Variants in DOCK8 observed in about 807,000 individuals in gnomAD.
DOCK8 encodes the protein dedicator of cytokinesis protein 8.
Under a neutral mutation model 245.6 loss-of-function variants are expected in DOCK8, and 141 were observed. The observed-to-expected ratio is 0.57, with a 90% CI of 0.50 to 0.66. The LOEUF is 0.66. DOCK8 is among the 30% of genes least tolerant of loss of function. The probability of loss-of-function intolerance (pLI) is 0.00; values close to 1 mark genes in which losing one functional copy is unlikely to be tolerated. For synonymous variants in DOCK8, 1,168 were observed against 970.2 expected (o/e 1.20, Z -3.79); for missense variants, 2,965 against 2,603.4 (o/e 1.14, Z -3.02).
chr9:292,069 CAAA>C (rs139396600), intron 4 of DOCK8, among the ~76,000 whole-genome samples: 4 of 52,556 alleles, frequency 7.6e-5, no homozygotes, highest in Admixed American at 5.7e-4. Context: ...GACCCTATCT[CAAA>C]AAAAAAAAAA....
intron 11 of DOCK8, among the ~76,000 whole-genome samples, chr9:334,697 A>G (rs986953302): frequency 6.6e-6 from 1 of 152,148 alleles, no homozygotes; most frequent in East Asian, 1.9e-4. Context: ...AAGAAAATGT[A>G]GTAACCATCT....
rs763029509 is a variant in DOCK8 at position 420,564 on chromosome 9, T to C, written c.4004T>C (p.Val1335Ala). ...ATTTTAGATCTACTTTTCATCTGTG[T>C]GTTATGTTTTGAGTATAAGGTAAGT... ...NRILDLLFICVLCFEYKGKQS... is the reference protein window; with the variant it reads ...NRILDLLFICALCFEYKGKQS... The change falls in exon 31 of 48, where the codon GTG (valine) becomes GCG (alanine). Residue 1335 changes from valine to alanine, a missense_variant. Transcript: ENST00000432829. The C allele has an allele frequency of 4.1e-5, 66 of 1,614,060 alleles. No homozygotes were observed. Among genetic ancestry groups the C allele is most frequent in the Non-Finnish European group, 4.4e-5 (52 of 1,180,044 alleles).
At chr9:323,024 C>T (rs993654422) in intron 7 of DOCK8, among the ~76,000 whole-genome samples, 3 of 146,614 alleles carry the variant, frequency 2.0e-5, no homozygotes, top group African/African-American at 7.6e-5. Context: ...ACCTGGGTGG[C>T]GGAGGTTGCA....
At chr9:390,605 C>T in intron 24 of DOCK8, 39 bp downstream of exon 24, 1 of 1,571,594 alleles carries the variant, frequency 6.4e-7, no homozygotes, top group African/African-American at 1.4e-5. Context: ...CTCAATAGGC[C>T]AAGAGAAGCA....
At chr9:380,113 C>A (rs1298190233) in intron 21 of DOCK8, among the ~76,000 whole-genome samples, 178 bp downstream of exon 21, 36 of 121,868 alleles carry the variant, frequency 3.0e-4, no homozygotes, top group Non-Finnish European at 5.0e-4. Context: ...CATCTGCAAC[C>A]CCAGCACTCT....
At chr9:217,300 G>A (rs1470997635) in intron 1 of DOCK8, among the ~76,000 whole-genome samples, 1 of 152,170 alleles carries the variant, frequency 6.6e-6, no homozygotes, top group Non-Finnish European at 1.5e-5. Context: ...AGATAGAAAG[G>A]TAGGAAGGAA....
At chr9:323,195 G>T (rs189110468) in intron 7 of DOCK8, among the ~76,000 whole-genome samples, 3 of 143,592 alleles carry the variant, frequency 2.1e-5, no homozygotes, top group East Asian at 4.2e-4. Flanking sequence ...GTGGTAAAAT[G>T]TATGTAACAT....
At chr9:457,439 A>T (rs1239208393) in intron 46 of DOCK8, among the ~76,000 whole-genome samples, 2 of 152,250 alleles carry the variant, frequency 1.3e-5, no homozygotes, top group Non-Finnish European at 2.9e-5. Context: ...TAAGTGTAAC[A>T]TTGTTCAGTG....
chr9:407,744 T>C lies in DOCK8; in HGVS notation c.3530+675T>C, dbSNP rs75523471. On this transcript the variant is annotated intron_variant, in intron 28 of 47. Transcript: ENST00000432829. ...GAAAAAGATAATGCCTTCTAAAATA[T>C]TATTCATTCCGTTCAACAATTATTG... 5.7e-3 allele frequency among the ~76,000 whole-genome samples: 861 copies of C among 152,286 alleles called. 9 individuals are homozygous for C. The highest frequency in any genetic ancestry group is 0.02 in the African/African-American group (835 of 41,542).
intron 1 of DOCK8, among the ~76,000 whole-genome samples, chr9:264,879 A>G (rs1268642154): frequency 6.6e-6 from 1 of 152,222 alleles, no homozygotes; most frequent in African/African-American, 2.4e-5. Flanking sequence ...TGATAGCTGC[A>G]TCATTCAAAG....
intron 14 of DOCK8, among the ~76,000 whole-genome samples, chr9:343,377 G>T (rs1388315480): frequency 6.6e-6 from 1 of 151,860 alleles, no homozygotes; most frequent in African/African-American, 2.4e-5. Context: ...CATCCCTGTA[G>T]TTCTAGCTAC....
At chr9:318,743 C>T (rs927605699) in intron 7 of DOCK8, among the ~76,000 whole-genome samples, 2 of 152,176 alleles carry the variant, frequency 1.3e-5, no homozygotes, top group Non-Finnish European at 2.9e-5. Flanking sequence ...GTCTGGTTGG[C>T]GGGAGGACTG....
At chr9:423,028 T>C (rs2056340311) in intron 33 of DOCK8, among the ~76,000 whole-genome samples, 1 of 150,576 alleles carries the variant, frequency 6.6e-6, no homozygotes, top group South Asian at 2.1e-4. Context: ...TGATGACATA[T>C]AGTCAATGTA....
chr9:283,106 A>G (rs1433200063), intron 2 of DOCK8, among the ~76,000 whole-genome samples: 1 of 152,202 alleles, frequency 6.6e-6, no homozygotes, highest in African/African-American at 2.4e-5. Context: ...AGGCCTGCAA[A>G]AGGAAACAAT....
At chr9:362,948 G>C (rs1281989533) in intron 14 of DOCK8, among the ~76,000 whole-genome samples, 1 of 152,204 alleles carries the variant, frequency 6.6e-6, no homozygotes, top group Non-Finnish European at 1.5e-5. Context: ...GATGGTAAGA[G>C]CAGAGTGTTT....
In DOCK8 at chr9:323,192, A is replaced by AAT. The variant is rs1184056457; in HGVS notation, c.828-2478_828-2477dup. On this transcript the variant is annotated intron_variant, in intron 7 of 47. Transcript: ENST00000432829. ...TCAACACTGGGCTTTTCGGTGGTAA[A>AAT]ATGTATGTAACATAAAATCTACCAT... Among the ~76,000 whole-genome samples, 4 of 151,224 alleles carry AAT rather than the reference A, an allele frequency of 2.6e-5. No homozygotes were observed. The East Asian group carries it at 7.7e-4, about 29-fold the overall frequency.
intron 12 of DOCK8, among the ~76,000 whole-genome samples, chr9:338,613 T>G (rs1035632316): frequency 2.0e-5 from 3 of 152,130 alleles, no homozygotes; most frequent in African/African-American, 7.2e-5. Context: ...GAAAATGAGA[T>G]GGAAAGATGC....
At chr9:363,919 A>G (rs1330011016) in intron 14 of DOCK8, among the ~76,000 whole-genome samples, 1 of 152,164 alleles carries the variant, frequency 6.6e-6, no homozygotes, top group African/African-American at 2.4e-5. Context: ...CAGGGCTACT[A>G]CTGTTATGAT....
At chr9:443,640 G>A (rs544871411) in intron 43 of DOCK8, 124 bp downstream of exon 43, 9 of 750,884 alleles carry the variant, frequency 1.2e-5, no homozygotes, top group African/African-American at 8.8e-5. Flanking sequence ...AAACCTTTTC[G>A]TCTAGAGTTC....
Sources: allele counts gnomAD v4.1 joint callset (sites outside exome capture counted in the v4.1 genomes callset), GRCh38; gene constraint gnomAD v4.1.1; transcripts MANE v1.5; gene names NCBI Gene and HGNC (gene_info 2026-07-23, HGNC 2026-07-21).